COL4A6: variants seen among roughly 807,000 people sequenced by gnomAD.
COL4A6 encodes collagen alpha-6(IV) chain.
Under a neutral mutation model 126.7 loss-of-function variants are expected in COL4A6, and 59 were observed. That is an observed-to-expected ratio of 0.47 (90% CI 0.38 to 0.58). The LOEUF is 0.58. COL4A6 is among the 20% of genes least tolerant of loss of function. COL4A6 has a pLI of 0.00. For missense variants in COL4A6, 1,285 were observed against 1,337.3 expected, an observed-to-expected ratio of 0.96 and a Z score of 0.61; for synonymous variants, 547 against 496.6, an observed-to-expected ratio of 1.10 and a Z score of -1.35.
intron 3 of COL4A6, among the ~76,000 whole-genome samples, chrX:108,278,589 C>A (rs1280465569): frequency 4.5e-5 from 5 of 110,505 alleles, no homozygotes; most frequent in African/African-American, 1.6e-4. Context: ...TCCAGGAGAA[C>A]TACCCCAATC....
chrX:108,237,073 G>T (rs893764922), intron 3 of COL4A6, among the ~76,000 whole-genome samples: 4 of 111,366 alleles, frequency 3.6e-5, no homozygotes, highest in Admixed American at 9.5e-5. Context: ...GTCCTGCCAT[G>T]CCACTCTTAT....
At chrX:108,416,697 G>A (rs148344735) in intron 2 of COL4A6, among the ~76,000 whole-genome samples, 217 of 111,945 alleles carry the variant, frequency 1.9e-3, no homozygotes, top group African/African-American at 6.6e-3. Context: ...GCTGCAAGAC[G>A]TACCTGAAAT....
intron 16 of COL4A6, 111 bp downstream of exon 16, chrX:108,194,423 A>G (rs1204246739): frequency 2.5e-6 from 2 of 792,846 alleles, no homozygotes; most frequent in East Asian, 6.5e-5. Context: ...TTAAGAAAAA[A>G]TTGAAACTTA....
At chrX:108,396,935 C>T (rs1445575464) in intron 2 of COL4A6, among the ~76,000 whole-genome samples, 1 of 111,944 alleles carries the variant, frequency 8.9e-6, no homozygotes, top group Non-Finnish European at 1.9e-5. Context: ...TCACTTAGCA[C>T]TTGCAAATGA....
intron 23 of COL4A6, among the ~76,000 whole-genome samples, chrX:108,184,554 C>CATAA (rs1386099728): frequency 8.9e-6 from 1 of 112,181 alleles, no homozygotes; most frequent in Non-Finnish European, 1.9e-5. Context: ...GACTCTTTTG[C>CATAA]ATATGCCCTT....
intron 2 of COL4A6, among the ~76,000 whole-genome samples, chrX:108,364,634 T>C (rs2040158137): frequency 9.0e-6 from 1 of 111,143 alleles, no homozygotes; most frequent in African/African-American, 3.3e-5. Context: ...TAGGTTCATG[T>C]GTACACATTT....
At chrX:108,333,785 A>G (rs1056513750) in intron 2 of COL4A6, among the ~76,000 whole-genome samples, 1 of 111,400 alleles carries the variant, frequency 9.0e-6, no homozygotes, top group Non-Finnish European at 1.9e-5. Context: ...CAAGTCAAGA[A>G]CCCAATCCCA....
At chrX:108,166,363 A>G (rs56899020) in intron 37 of COL4A6, among the ~76,000 whole-genome samples, 5,718 of 112,537 alleles carry the variant, frequency 0.051, 207 homozygotes, top group African/African-American at 0.12. Flanking sequence ...CATGGAAGAT[A>G]TATATTTATT....
chrX:108,215,684 A>G (rs1211527447), intron 5 of COL4A6, among the ~76,000 whole-genome samples: 1 of 111,195 alleles, frequency 9.0e-6, no homozygotes, highest in Non-Finnish European at 1.9e-5. Flanking sequence ...TTCCAAGGAA[A>G]TGGACAAATT....
At chrX:108,324,100 A>C (rs1042538767) in intron 2 of COL4A6, among the ~76,000 whole-genome samples, 3 of 112,273 alleles carry the variant, frequency 2.7e-5, no homozygotes, top group Non-Finnish European at 3.8e-5. Context: ...TCTAGTTGGG[A>C]GATTAAGAAT....
intron 4 of COL4A6, among the ~76,000 whole-genome samples, chrX:108,220,332 T>A (rs975720614): frequency 1.8e-5 from 2 of 111,971 alleles, no homozygotes; most frequent in African/African-American, 6.5e-5. Context: ...GGTATCTTCC[T>A]CCCCTGAGCT....
At chrX:108,384,427 T>A (rs963970671) in intron 2 of COL4A6, among the ~76,000 whole-genome samples, 2 of 112,682 alleles carry the variant, frequency 1.8e-5, no homozygotes, top group East Asian at 2.8e-4. Context: ...CAAATATGAA[T>A]GACTGTTTTA....
chrX:108,294,413 T>G (rs75729878), intron 3 of COL4A6, among the ~76,000 whole-genome samples: 5,276 of 101,995 alleles, frequency 0.052, 368 homozygotes, highest in African/African-American at 0.18. Context: ...TTTTTTTTTT[T>G]GGTGTGTGTG....
At position 108,160,652 on chromosome X, in the gene COL4A6, C is replaced by T; in HGVS notation, c.4336G>A (p.Ala1446Thr). 3 of 1,201,241 alleles carry T rather than the reference C, an allele frequency of 2.5e-6. No individual in the cohort carries two copies. The highest frequency in any genetic ancestry group is 3.4e-6 in the Non-Finnish European group (3 of 890,320). Residue 1446 changes from alanine to threonine, a missense_variant and splice_region_variant, in exon 43 of 45, where the codon GCT (alanine) becomes ACT (threonine). Coordinates refer to ENST00000334504, the MANE Select transcript of COL4A6 (RefSeq NM_033641.4). ...CCGAAGGGGCCTTGCTGCCCTGGAG[C>T]TCCTGAGAGAGACAGATCATAAAAG... is the stretch of plus-strand genomic sequence containing the variant. Reference protein sequence around the residue: ...GLQGPPGFEGAPGQQGPFGMP... With the variant: ...GLQGPPGFEGTPGQQGPFGMP...
At chrX:108,274,632 A>C (rs940267356) in intron 3 of COL4A6, among the ~76,000 whole-genome samples, 10 of 111,890 alleles carry the variant, frequency 8.9e-5, no homozygotes, top group African/African-American at 3.2e-4. Flanking sequence ...TAGTTAATAC[A>C]CTCAACTGGC....
intron 3 of COL4A6, among the ~76,000 whole-genome samples, chrX:108,234,454 C>A (rs943302715): frequency 2.7e-5 from 3 of 111,960 alleles, no homozygotes; most frequent in Non-Finnish European, 5.6e-5. Flanking sequence ...GCACAAAGGA[C>A]AAAGAACTCA....
At chrX:108,333,341 A>G (rs1252490464) in intron 2 of COL4A6, among the ~76,000 whole-genome samples, 1 of 111,896 alleles carries the variant, frequency 8.9e-6, no homozygotes, top group African/African-American at 3.2e-5. Flanking sequence ...ATAGATGCAG[A>G]AAAAACATTC....
intron 2 of COL4A6, among the ~76,000 whole-genome samples, chrX:108,386,874 T>C (rs2040711194): frequency 8.9e-6 from 1 of 112,142 alleles, no homozygotes; most frequent in African/African-American, 3.2e-5. Context: ...CATTAATCCA[T>C]CTTGAGTTAA....
intron 2 of COL4A6, among the ~76,000 whole-genome samples, chrX:108,335,121 C>G (rs1485199124): frequency 8.9e-6 from 1 of 112,119 alleles, no homozygotes; most frequent in Non-Finnish European, 1.9e-5. Flanking sequence ...ATTTGATATT[C>G]TTTCAGGCCT....
Sources: allele counts gnomAD v4.1 joint callset (sites outside exome capture counted in the v4.1 genomes callset), GRCh38; gene constraint gnomAD v4.1.1; transcripts MANE v1.5; gene names NCBI Gene and HGNC (gene_info 2026-07-23, HGNC 2026-07-21).